Variants in USP37 observed in about 807,000 individuals in gnomAD.
The protein encoded by USP37 is ubiquitin carboxyl-terminal hydrolase 37.
In USP37, 27 loss-of-function variants were observed where a neutral mutation model predicts 124.0. The observed-to-expected ratio is 0.22, with a 90% CI of 0.16 to 0.30. The LOEUF (loss-of-function observed/expected upper bound fraction) is 0.30, where lower values mean the gene tolerates loss of function less well. Ranked by LOEUF, USP37 falls within the 10% of genes least tolerant of loss-of-function variation. USP37 has a pLI of 1.00. For missense variants in USP37, 889 were observed against 1,140.4 expected (o/e 0.78, Z 3.17); for synonymous variants, 365 against 388.0 (o/e 0.94, Z 0.70).
intron 9 of USP37, among the ~76,000 whole-genome samples, chr2:218,532,010 A>C (rs916591792): frequency 6.6e-6 from 1 of 152,364 alleles, no homozygotes; most frequent in South Asian, 2.1e-4. Flanking sequence ...TAGGATTTAG[A>C]ATATTACATA....
At chr2:218,567,238 C>T (rs960260578) in intron 1 of USP37, among the ~76,000 whole-genome samples, 2 of 152,142 alleles carry the variant, frequency 1.3e-5, no homozygotes, top group Non-Finnish European at 2.9e-5. Context: ...TTCCATTTTA[C>T]CTTTCAGCAG....
At chr2:218,477,957 A>G (rs889548277) in intron 18 of USP37, among the ~76,000 whole-genome samples, 1 of 152,234 alleles carries the variant, frequency 6.6e-6, no homozygotes, top group African/African-American at 2.4e-5. Flanking sequence ...CCGAAAATAA[A>G]CTAAAGAAAA....
chr2:218,486,928 G>A (rs947236562), intron 15 of USP37, among the ~76,000 whole-genome samples: 5 of 151,888 alleles, frequency 3.3e-5, no homozygotes, highest in Admixed American at 3.3e-4. Flanking sequence ...GGGTTTCACC[G>A]TGTTAGCCAG....
chr2:218,497,711 G>A (rs144279353), intron 13 of USP37, 23 bp downstream of exon 13: 61 of 1,612,630 alleles, frequency 3.8e-5, no homozygotes, highest in Middle Eastern at 1.7e-4. Context: ...CCTCTGAAAC[G>A]TTTTAAAACA....
At chr2:218,551,411 C>T (rs1206901256) in intron 5 of USP37, among the ~76,000 whole-genome samples, 1 of 152,204 alleles carries the variant, frequency 6.6e-6, no homozygotes, top group Non-Finnish European at 1.5e-5. Context: ...GGAAGTCATA[C>T]TTTTACATTT....
At chr2:218,510,183 G>T in intron 10 of USP37, 43 bp from the exon 11 acceptor site, 1 of 1,578,170 alleles carries the variant, frequency 6.3e-7, no homozygotes, top group South Asian at 1.2e-5. Flanking sequence ...ATAAATTTTT[G>T]AATACTACTA....
chr2:218,518,768 C>T (rs1690434076), intron 10 of USP37, among the ~76,000 whole-genome samples: 1 of 152,174 alleles, frequency 6.6e-6, no homozygotes, highest in African/African-American at 2.4e-5. Flanking sequence ...AGTGCTGCTA[C>T]CTGTGCTACT....
intron 6 of USP37, among the ~76,000 whole-genome samples, chr2:218,548,902 A>G (rs1283325021): frequency 6.6e-6 from 1 of 152,206 alleles, no homozygotes; most frequent in Non-Finnish European, 1.5e-5. Context: ...TAATATTTCA[A>G]CAATTTAAAT....
intron 20 of USP37, among the ~76,000 whole-genome samples, chr2:218,467,701 C>A (rs775862906): frequency 8.6e-5 from 13 of 151,834 alleles, no homozygotes; most frequent in Non-Finnish European, 1.6e-4. Context: ...CCAGACTGGT[C>A]TTGAACTCCT....
At chr2:218,479,233 G>A (rs964219275) in intron 18 of USP37, among the ~76,000 whole-genome samples, 63 of 152,294 alleles carry the variant, frequency 4.1e-4, no homozygotes, top group Non-Finnish European at 6.0e-4. Context: ...AAGACAAGAA[G>A]TTCCAGACTG....
intron 21 of USP37, among the ~76,000 whole-genome samples, chr2:218,465,037 C>T (rs966976550): frequency 2.0e-5 from 3 of 152,070 alleles, no homozygotes; most frequent in Non-Finnish European, 2.9e-5. Context: ...AATGATCAAG[C>T]CACTACATTC....
intron 1 of USP37, among the ~76,000 whole-genome samples, chr2:218,567,558 A>G (rs953701876): frequency 4.6e-5 from 7 of 152,162 alleles, no homozygotes; most frequent in Non-Finnish European, 1.0e-4. Flanking sequence ...GACACTTGTC[A>G]GGAATTGCCA....
intron 4 of USP37, among the ~76,000 whole-genome samples, chr2:218,556,733 G>A (rs922965042): frequency 1.3e-5 from 2 of 151,878 alleles, no homozygotes; most frequent in Admixed American, 6.6e-5. Flanking sequence ...GGCTGGTCTC[G>A]AACTCCTGAC....
intron 10 of USP37, among the ~76,000 whole-genome samples, chr2:218,518,306 C>A (rs189448443): frequency 2.6e-5 from 4 of 151,926 alleles, no homozygotes; most frequent in Admixed American, 2.6e-4. Context: ...CAGAAATTTC[C>A]TTTATTTCTT....
intron 10 of USP37, among the ~76,000 whole-genome samples, chr2:218,516,137 C>A (rs2106009037): frequency 6.6e-6 from 1 of 152,238 alleles, no homozygotes; most frequent in South Asian, 2.1e-4. Flanking sequence ...GGCGATTCCT[C>A]AAGGATCTAG....
chr2:218,534,580 C>G, intron 9 of USP37, 29 bp downstream of exon 9: 1 of 1,369,272 alleles, frequency 7.3e-7, no homozygotes, highest in Non-Finnish European at 1.0e-6. Flanking sequence ...TAAATGAGCA[C>G]CTTATTTATT....
intron 1 of USP37, among the ~76,000 whole-genome samples, chr2:218,566,215 G>A (rs960358088): frequency 6.6e-5 from 10 of 152,196 alleles, no homozygotes; most frequent in Non-Finnish European, 1.0e-4. Flanking sequence ...ATGACTGATA[G>A]ATGGTGGTGC....
At chr2:218,510,289 T>TA in intron 10 of USP37, 149 bp from the exon 11 acceptor site, 1 of 836,318 alleles carries the variant, frequency 1.2e-6, no homozygotes, top group South Asian at 2.1e-5. Context: ...GGGAAAACTC[T>TA]ACAAACGTAA....
chr2:218,531,109 G>C (rs1295861061), intron 9 of USP37, among the ~76,000 whole-genome samples: 3 of 152,200 alleles, frequency 2.0e-5, no homozygotes, highest in African/African-American at 7.2e-5. Context: ...ACAGGTCTTC[G>C]ATGTAGCTGC....
Sources: gnomAD v4.1 joint callset for allele counts (sites outside exome capture counted in the v4.1 genomes callset) on GRCh38, gnomAD v4.1.1 for gene constraint, MANE v1.5 for transcripts, NCBI Gene and HGNC (gene_info 2026-07-23, HGNC 2026-07-21) for gene names.